PXDNL: variants seen among roughly 807,000 people sequenced by gnomAD.
PXDNL encodes probable oxidoreductase PXDNL.
Under a neutral mutation model 150.8 loss-of-function variants are expected in PXDNL, and 145 were observed. That is an observed-to-expected ratio of 0.96 (90% CI 0.84 to 1.10). The LOEUF (loss-of-function observed/expected upper bound fraction) is 1.10. Ranked by LOEUF, PXDNL falls within the 50% of genes least tolerant of loss-of-function variation. The pLI is 0.00. For missense variants in PXDNL, 2,087 were observed against 1,873.9 expected (o/e 1.11, Z -2.10); for synonymous variants, 757 against 725.7 (o/e 1.04, Z -0.69).
chr8:51,716,623 G>A (rs1174916299), intron 1 of PXDNL, among the ~76,000 whole-genome samples: 2 of 152,180 alleles, frequency 1.3e-5, no homozygotes, highest in Admixed American at 6.5e-5. Flanking sequence ...AGCTCCAAAC[G>A]TGTGCCATGA....
intron 11 of PXDNL, among the ~76,000 whole-genome samples, chr8:51,448,239 C>T (rs766762925): frequency 5.9e-5 from 9 of 152,188 alleles, no homozygotes; most frequent in Non-Finnish European, 8.8e-5. Context: ...AAGTGTCTGG[C>T]GCCTTGGTGG....
intron 1 of PXDNL, among the ~76,000 whole-genome samples, chr8:51,748,982 T>C (rs1222910182): frequency 6.6e-6 from 1 of 152,232 alleles, no homozygotes; most frequent in African/African-American, 2.4e-5. Context: ...GAGTTCATTA[T>C]GAATTTGAAG....
At chr8:51,421,353 G>T (rs1586093037) in intron 14 of PXDNL, among the ~76,000 whole-genome samples, 1 of 152,238 alleles carries the variant, frequency 6.6e-6, no homozygotes, top group South Asian at 2.1e-4. Context: ...TTTAAATCAG[G>T]AAAATCATGA....
chr8:51,795,853 T>C (rs183791024), intron 1 of PXDNL, among the ~76,000 whole-genome samples: 141 of 152,310 alleles, frequency 9.3e-4, no homozygotes, highest in Admixed American at 5.8e-3. Context: ...TAAAGATTAA[T>C]TGACAAAGGT....
At chr8:51,447,255 T>C in intron 11 of PXDNL, 93 bp from the exon 12 acceptor site, 1 of 1,348,340 alleles carries the variant, frequency 7.4e-7, no homozygotes, top group Non-Finnish European at 1.0e-6. Context: ...AGGCCTGTCT[T>C]TCAGGAAATT....
rs1383856798 is a variant in PXDNL at position 51,458,767 on chromosome 8, T to G, written c.813-1100A>C. On this transcript the variant is annotated intron_variant, in intron 8 of 22. Transcript: ENST00000356297. Reference sequence around the variant, plus strand: ...CATAGGTAAAAACAGTAAAGTTTGTTAAAGAGATGAATAAATTGTCATTCT... The same window carrying G: ...CATAGGTAAAAACAGTAAAGTTTGTGAAAGAGATGAATAAATTGTCATTCT... 3.3e-5 allele frequency among the ~76,000 whole-genome samples: 5 copies of G among 152,374 alleles called. No homozygotes were observed. In the East Asian group the frequency reaches 9.6e-4, roughly 29 times the overall value.
chr8:51,769,289 A>C (rs1356152003), intron 1 of PXDNL, among the ~76,000 whole-genome samples: 1 of 152,238 alleles, frequency 6.6e-6, no homozygotes, highest in Non-Finnish European at 1.5e-5. Flanking sequence ...AGACTCAGCC[A>C]GCCCTGCATC....
intron 5 of PXDNL, among the ~76,000 whole-genome samples, chr8:51,495,691 A>G (rs1355968187): frequency 6.6e-6 from 1 of 152,252 alleles, no homozygotes; most frequent in East Asian, 1.9e-4. Flanking sequence ...AGAAATGGAT[A>G]AATTCCTCGA....
intron 3 of PXDNL, among the ~76,000 whole-genome samples, chr8:51,569,609 A>T (rs768643179): frequency 2.8e-4 from 42 of 152,028 alleles, no homozygotes; most frequent in Non-Finnish European, 5.6e-4. Context: ...TCTATCTAAA[A>T]GTAACATTAA....
intron 2 of PXDNL, among the ~76,000 whole-genome samples, chr8:51,639,081 C>T (rs926712530): frequency 2.0e-5 from 3 of 152,190 alleles, no homozygotes; most frequent in Non-Finnish European, 4.4e-5. Context: ...GGAGACTGAA[C>T]AACCTGCTCC....
At chr8:51,613,174 A>T (rs1407109868) in intron 2 of PXDNL, among the ~76,000 whole-genome samples, 2 of 152,022 alleles carry the variant, frequency 1.3e-5, no homozygotes, top group African/African-American at 2.4e-5. Flanking sequence ...TCAGATCTGG[A>T]TTACCAGAGG....
At chr8:51,653,426 A>AAAT (rs1815081017) in intron 2 of PXDNL, among the ~76,000 whole-genome samples, 1 of 152,136 alleles carries the variant, frequency 6.6e-6, no homozygotes. Flanking sequence ...TCAAAGAAAA[A>AAAT]AATAATAATA....
chr8:51,459,962 CTAT>C lies in PXDNL; in HGVS notation c.813-2298_813-2296del, dbSNP rs1026497981. 2.6e-5 allele frequency among the ~76,000 whole-genome samples: 4 copies of C among 152,162 alleles called. No individual in the cohort carries two copies. In the South Asian group the frequency reaches 8.3e-4, roughly 32 times the overall value. On this transcript the variant is annotated intron_variant, in intron 8 of 22. Coordinates refer to ENST00000356297, the MANE Select transcript of PXDNL (RefSeq NM_144651.5). ...TCACCACACAAATTAAAACTATCTT[CTAT>C]GGTCACGCACAGTGACTCACACCTG...
chr8:51,535,730 T>TA (rs1226818228), intron 4 of PXDNL, among the ~76,000 whole-genome samples: 6,104 of 134,378 alleles, frequency 0.045, 430 homozygotes, highest in African/African-American at 0.16. Flanking sequence ...AATAAATAAA[T>TA]AAATAAATAA....
chr8:51,774,261 C>T (rs2037328567), intron 1 of PXDNL, among the ~76,000 whole-genome samples: 1 of 152,168 alleles, frequency 6.6e-6, no homozygotes, highest in Non-Finnish European at 1.5e-5. Flanking sequence ...GTTCTCCCCA[C>T]TTAAAAGCAA....
At chr8:51,458,840 G>T (rs1005904263) in intron 8 of PXDNL, among the ~76,000 whole-genome samples, 8 of 152,184 alleles carry the variant, frequency 5.3e-5, no homozygotes, top group South Asian at 2.1e-4. Flanking sequence ...ACAGACAATG[G>T]CCATATTTGA....
At chr8:51,682,869 AAGT>A (rs1815782980) in intron 1 of PXDNL, among the ~76,000 whole-genome samples, 1 of 151,846 alleles carries the variant, frequency 6.6e-6, no homozygotes, top group Non-Finnish European at 1.5e-5. Context: ...GAGGTTGAAG[AAGT>A]AGTAGTGCTG....
At chr8:51,685,209 A>G (rs1378401164) in intron 1 of PXDNL, among the ~76,000 whole-genome samples, 1 of 152,168 alleles carries the variant, frequency 6.6e-6, no homozygotes, top group Non-Finnish European at 1.5e-5. Flanking sequence ...CCTCGTGTAG[A>G]ATGCAGGTGA....
At chr8:51,348,641 C>T (rs1806235535) in intron 19 of PXDNL, among the ~76,000 whole-genome samples, 2 of 152,104 alleles carry the variant, frequency 1.3e-5, no homozygotes, top group South Asian at 4.1e-4. Flanking sequence ...TAAATATATA[C>T]ATATGCATAC....
Sources: gnomAD v4.1 joint callset for allele counts (sites outside exome capture counted in the v4.1 genomes callset) on GRCh38, gnomAD v4.1.1 for gene constraint, MANE v1.5 for transcripts, NCBI Gene and HGNC (gene_info 2026-07-23, HGNC 2026-07-21) for gene names.